RIC1: variants seen among roughly 807,000 people sequenced by gnomAD.
The protein encoded by RIC1 is RIC1 partner of RAB6A GEF complex, also known as guanine nucleotide exchange factor subunit RIC1.
A neutral mutation model predicts 169.0 loss-of-function variants in RIC1; 88 were observed. The ratio of observed to expected loss-of-function variants is 0.52; its 90% CI spans 0.44 to 0.62. RIC1 has a LOEUF of 0.62. Ranked by LOEUF, RIC1 falls within the 20% of genes least tolerant of loss-of-function variation. RIC1 has a pLI of 0.00. For synonymous variants in RIC1, 790 were observed against 601.5 expected, an observed-to-expected ratio of 1.31 and a Z score of -4.59; for missense variants, 1,877 against 1,725.5, an observed-to-expected ratio of 1.09 and a Z score of -1.56.
At chr9:5,687,721 T>C (rs976191337) in intron 2 of RIC1, among the ~76,000 whole-genome samples, 2 of 152,340 alleles carry the variant, frequency 1.3e-5, no homozygotes, top group Non-Finnish European at 1.5e-5. Context: ...AACCCCAGCA[T>C]ACACTGCTAT....
intron 23 of RIC1, among the ~76,000 whole-genome samples, chr9:5,771,172 C>A (rs1827192975): frequency 6.6e-6 from 1 of 152,180 alleles, no homozygotes; most frequent in Non-Finnish European, 1.5e-5. Flanking sequence ...TGCTCTTCAT[C>A]TTCAAAACGA....
chr9:5,763,757 T>C lies in RIC1; in HGVS notation c.2730T>C (p.Tyr910=), dbSNP rs779997764. 5.0e-5 allele frequency: 81 copies of C among 1,614,060 alleles called. No individual in the cohort carries two copies. Among genetic ancestry groups the C allele is most frequent in the Non-Finnish European group, 6.1e-5 (72 of 1,180,036 alleles). Residue 910 remains tyrosine (Y), a synonymous_variant, in exon 19 of 26, where the codon TAT becomes TAC. Coordinates refer to ENST00000414202, the MANE Select transcript of RIC1 (RefSeq NM_020829.4). The surrounding 1 kb of genome is among the most constrained non-coding windows in gnomAD (Gnocchi z 5.2). The part of the protein sequence containing the change: ...TVVHCARKTE[Y]ALWNYLFAAV... The stretch of plus-strand genomic sequence containing the variant: ...TCCATTGTGCCAGGAAGACCGAATA[T>C]GCCCTGTGGAATTACCTTTTTGCAG...
intron 4 of RIC1, chr9:5,718,940 A>G (rs1197968136): frequency 6.6e-6 from 1 of 152,236 alleles, no homozygotes; most frequent in African/African-American, 2.4e-5. Context: ...CCAAAGAATT[A>G]AAGGTTTAGT....
At chr9:5,765,027 C>G (rs1308781697) in intron 19 of RIC1, 1 of 161,186 alleles carries the variant, frequency 6.2e-6, no homozygotes, top group Non-Finnish European at 1.3e-5. Context: ...AGGAGACAGA[C>G]CTGACCTATT....
At chr9:5,727,427 T>A (rs13291724) in intron 6 of RIC1, among the ~76,000 whole-genome samples, 2,981 of 152,346 alleles carry the variant, frequency 0.02, 36 homozygotes, top group Non-Finnish European at 0.024. Flanking sequence ...TTATTCTAGT[T>A]AGCCATTTGT....
intron 10 of RIC1, 55 bp from the exon 11 acceptor site, chr9:5,745,876 G>A (rs990331029): frequency 2.7e-6 from 4 of 1,455,348 alleles, no homozygotes; most frequent in Non-Finnish European, 3.8e-6. Context: ...GCTAGAAAGG[G>A]ATACAAAAGC....
chr9:5,761,296 T>C (rs575533425), intron 17 of RIC1, among the ~76,000 whole-genome samples: 25 of 151,942 alleles, frequency 1.6e-4, no homozygotes, highest in Non-Finnish European at 1.6e-4. Context: ...GTGTTTTTAG[T>C]AGAGACGGGG....
intron 2 of RIC1, among the ~76,000 whole-genome samples, chr9:5,685,764 A>C (rs941351915): frequency 6.7e-6 from 1 of 148,166 alleles, no homozygotes; most frequent in Admixed American, 6.7e-5. Context: ...ACAAAAGCCA[A>C]AATTGACAAA....
intron 2 of RIC1, among the ~76,000 whole-genome samples, chr9:5,664,569 G>C (rs377153687): frequency 6.6e-6 from 1 of 152,136 alleles, no homozygotes. Flanking sequence ...TGACCTTGCA[G>C]AATCTGATGA....
chr9:5,691,301 A>G lies in RIC1; in HGVS notation c.332+1263A>G, dbSNP rs1286061687. Among the ~76,000 whole-genome samples the G allele has an allele frequency of 2.0e-5, 3 of 152,076 alleles. No individual in the cohort carries two copies. The East Asian group carries it at 5.8e-4, about 29-fold the overall frequency. ...ACAAAATCTAGAGCAATACAGTACA[A>G]ATATTTATAGTAATTGTTCCTGAAT... On this transcript the variant is annotated intron_variant, in intron 3 of 25. Coordinates refer to ENST00000414202, the MANE Select transcript of RIC1 (RefSeq NM_020829.4).
At position 5,763,048 on chromosome 9, in the gene RIC1, C is replaced by G. The variant is rs1826442760; in HGVS notation, c.2113-92C>G. On this transcript the variant is annotated intron_variant, in intron 18 of 25. Transcript: ENST00000414202. The surrounding 1 kb of genome is among the most constrained non-coding windows in gnomAD (Gnocchi z 5.2). The stretch of plus-strand genomic sequence containing the variant: ...TTTTCCCAAAAAAATATTATACTAT[C>G]ATTTGAAAGACTTAGTAAACTAGTA... 5.6e-6 allele frequency: 8 copies of G among 1,422,308 alleles called. No homozygotes were observed. The highest frequency in any genetic ancestry group is 6.6e-6 in the Non-Finnish European group (7 of 1,056,988). 88.1% of individuals were successfully genotyped at this position (1,422,308 alleles called of 1,614,324 possible).
intron 14 of RIC1, among the ~76,000 whole-genome samples, chr9:5,754,199 AACACAC>A (rs142979477): frequency 3.5e-4 from 53 of 151,542 alleles, no homozygotes; most frequent in African/African-American, 1.3e-3. Context: ...TTTTGATGTA[AACACAC>A]ACACACACAC....
intron 4 of RIC1, among the ~76,000 whole-genome samples, chr9:5,719,879 TTTTC>T (rs1386512298): frequency 6.6e-6 from 1 of 152,218 alleles, no homozygotes; most frequent in Non-Finnish European, 1.5e-5. Context: ...CTCTACCTCT[TTTTC>T]TTTCTTTCTG....
chr9:5,637,674 T>G (rs1309549618), intron 1 of RIC1, among the ~76,000 whole-genome samples: 1 of 152,230 alleles, frequency 6.6e-6, no homozygotes, highest in African/African-American at 2.4e-5. Context: ...TCAATTGTTT[T>G]GATTTGTAGA....
At chr9:5,737,446 T>C (rs984496596) in intron 7 of RIC1, among the ~76,000 whole-genome samples, 2 of 152,180 alleles carry the variant, frequency 1.3e-5, no homozygotes, top group Admixed American at 6.6e-5. Context: ...TCTTTGATAC[T>C]CCCTTCTCCA....
At chr9:5,665,987 C>T (rs975701552) in intron 2 of RIC1, among the ~76,000 whole-genome samples, 2 of 152,158 alleles carry the variant, frequency 1.3e-5, no homozygotes, top group Non-Finnish European at 2.9e-5. Flanking sequence ...CTTCAGCCCC[C>T]CAATTGGTAT....
At position 5,765,705 on chromosome 9, in the gene RIC1, G is replaced by C. The variant is rs770037642; in HGVS notation, c.3044G>C (p.Ser1015Thr). 26 of 1,614,050 alleles carry C rather than the reference G, an allele frequency of 1.6e-5. No homozygotes were observed. Among genetic ancestry groups the C allele is most frequent in the Middle Eastern group, 1.6e-4 (1 of 6,082 alleles). Reference sequence around the variant, plus strand: ...GGATTTGAGTTCTTCAGGAATCGAAGCATCAGTTTATCCCAGTCAGCTGAA... The same window carrying C: ...GGATTTGAGTTCTTCAGGAATCGAACCATCAGTTTATCCCAGTCAGCTGAA... ...SGGFEFFRNR[S>T]ISLSQSAENV... The change falls in exon 21 of 26, where the codon AGC becomes ACC. Residue 1015 changes from serine to threonine, a missense_variant. Around this residue, in one of 3 missense-constraint regions of RIC1, gnomAD observed 681 missense variants for 582.0 expected, o/e 1.17. Transcript: ENST00000414202.
At chr9:5,729,560 G>T (rs1286746101) in intron 6 of RIC1, among the ~76,000 whole-genome samples, 1 of 151,852 alleles carries the variant, frequency 6.6e-6, no homozygotes, top group African/African-American at 2.4e-5. Flanking sequence ...GCTGCTTTAT[G>T]TTTTTTTAAA....
intron 2 of RIC1, among the ~76,000 whole-genome samples, chr9:5,688,842 T>G (rs1350980715): frequency 1.3e-5 from 2 of 152,128 alleles, no homozygotes; most frequent in Non-Finnish European, 2.9e-5. Context: ...ATGATAGGAA[T>G]TCAGTATTAC....
Sources: allele counts gnomAD v4.1 joint callset (sites outside exome capture counted in the v4.1 genomes callset), GRCh38; gene constraint gnomAD v4.1.1; regional missense constraint gnomAD v4.1.1; non-coding constraint Gnocchi (gnomAD v3.1); transcripts MANE v1.5; gene names NCBI Gene and HGNC (gene_info 2026-07-23, HGNC 2026-07-21).